Variants in GPSM2 observed in about 807,000 individuals in gnomAD.
GPSM2 encodes G protein signaling modulator 2, also known as G protein-signaling modulator 2.
GPSM2 carries 58 observed loss-of-function variants against 78.4 expected under a neutral mutation model. The ratio of observed to expected loss-of-function variants is 0.74; its 90% confidence interval spans 0.60 to 0.92. GPSM2 has a LOEUF of 0.92. GPSM2 is among the 40% of genes least tolerant of loss of function. GPSM2 has a pLI of 0.00. For missense variants in GPSM2, 700 were observed against 815.5 expected (o/e 0.86, Z 1.73); for synonymous variants, 224 against 280.2 (o/e 0.80, Z 2.00).
chr1:108,895,300 A>G (rs1332078857), intron 2 of GPSM2, among the ~76,000 whole-genome samples: 1 of 152,268 alleles, frequency 6.6e-6, no homozygotes, highest in Non-Finnish European at 1.5e-5. Context: ...TGTTCCAAAA[A>G]TTAAAACATT....
chr1:108,904,063 A>G, intron 9 of GPSM2, 62 bp from the exon 10 acceptor site: 1 of 1,152,790 alleles, frequency 8.7e-7, no homozygotes, highest in Admixed American at 1.7e-5. Flanking sequence ...TACATTTACA[A>G]ATAATCTTCA....
chr1:108,898,622 C>T lies in GPSM2; in HGVS notation c.558-20C>T, dbSNP rs1648559540. 6.2e-7 allele frequency: 1 copy of T among 1,611,532 alleles called. No individual in the cohort carries two copies. Among genetic ancestry groups the T allele is most frequent in the Non-Finnish European group, 8.5e-7 (1 of 1,178,386 alleles). ...TTGTTCTGCAAACTTATTTTTTCAT[C>T]ACTTTTTGCGATCCCTTAGGGAAAA... On this transcript the variant is annotated intron_variant, in intron 5 of 14. Coordinates refer to ENST00000264126, the MANE Select transcript of GPSM2 (RefSeq NM_013296.5).
chr1:108,928,999 A>AG (rs1557883487), intron 14 of GPSM2, among the ~76,000 whole-genome samples: 1 of 147,044 alleles, frequency 6.8e-6, no homozygotes, highest in African/African-American at 2.4e-5. Flanking sequence ...AAAAAAAAAA[A>AG]AAAAAAAATT....
At chr1:108,901,254 T>C (rs1158582030) in intron 7 of GPSM2, among the ~76,000 whole-genome samples, 3 of 152,186 alleles carry the variant, frequency 2.0e-5, no homozygotes, top group African/African-American at 4.8e-5. Context: ...ATACCACAGG[T>C]AGAATTTGGG....
chr1:108,923,613 A>T (rs983547790), intron 13 of GPSM2, among the ~76,000 whole-genome samples: 1 of 152,248 alleles, frequency 6.6e-6, no homozygotes, highest in East Asian at 1.9e-4. Flanking sequence ...AATGATTTGT[A>T]TCCAGGGCTT....
intron 12 of GPSM2, among the ~76,000 whole-genome samples, chr1:108,920,374 C>G (rs1019135544): frequency 6.7e-6 from 1 of 150,132 alleles, no homozygotes; most frequent in Non-Finnish European, 1.5e-5. Context: ...GAGGCTGAGG[C>G]AGGAGAATTG....
rs1651778163 is a variant in GPSM2, at chr1:108,930,581, C to T, written c.*641C>T. The T allele has an allele frequency of 6.7e-6, 1 of 150,242 alleles. No homozygotes were observed. Among genetic ancestry groups the T allele is most frequent in the African/African-American group, 2.5e-5 (1 of 40,340 alleles). 9.3% of individuals were successfully genotyped at this position (150,242 alleles called of 1,614,324 possible). A position where few individuals can be genotyped will look rare whatever the true frequency, so the allele number is the denominator to read the frequency against. On this transcript the variant is annotated 3_prime_UTR_variant, in exon 15 of 15. Coordinates refer to ENST00000264126, the MANE Select transcript of GPSM2 (RefSeq NM_013296.5). ...AAGACCAACCTGGGCAACATAGACC[C>T]CCGTGTCTATGAAAAATAAATCAGC...
intron 1 of GPSM2, 32 bp from the exon 2 acceptor site, chr1:108,885,243 T>G (rs1647442064): frequency 3.1e-6 from 1 of 319,078 alleles, no homozygotes; most frequent in Non-Finnish European, 5.8e-6. Flanking sequence ...AAAATAGGAC[T>G]TCAAGCAAAG....
At chr1:108,915,409 A>G (rs1650120568) in intron 11 of GPSM2, among the ~76,000 whole-genome samples, 1 of 148,516 alleles carries the variant, frequency 6.7e-6, no homozygotes. Context: ...TCTTTTATGT[A>G]TATTTTTATT....
rs1412450224 is a variant in GPSM2 at position 108,924,161 on chromosome 1, A to C, written c.1762A>C (p.Asn588His). The C allele has an allele frequency of 6.2e-7, 1 of 1,613,994 alleles. No homozygotes were observed. Among genetic ancestry groups the C allele is most frequent in the African/African-American group, 1.3e-5 (1 of 75,030 alleles). Residue 588 changes from asparagine to histidine, a missense_variant, in exon 14 of 15, where the codon AAT becomes CAT. Asn to His is a moderately conservative substitution (Grantham distance 68). Transcript: ENST00000264126. ...SQSVLSHLMT[N>H]DNKEADEDFF... Reference sequence around the variant, plus strand: ...GTCGGTACTTAGCCACCTGATGACTAATGACAACAAAGAGGCTGATGAAGA... The same window carrying C: ...GTCGGTACTTAGCCACCTGATGACTCATGACAACAAAGAGGCTGATGAAGA...
Position 108,901,904 on chromosome 1 carries a change from T to C in GPSM2, c.912T>C (p.Tyr304=). Residue 304 remains tyrosine (Y), a synonymous_variant, in exon 8 of 15, where the codon TAT becomes TAC. Coordinates refer to ENST00000264126, the MANE Select transcript of GPSM2 (RefSeq NM_013296.5). The stretch of plus-strand genomic sequence containing the variant: ...AAGACTATGAAAAGGCCATTGATTA[T>C]CATCTGAAGCACTTAGCAATTGCTC... The part of the protein sequence containing the change: ...LLQDYEKAID[Y]HLKHLAIAQE... 6.2e-7 allele frequency: 1 copy of C among 1,611,910 alleles called. No individual in the cohort carries two copies. Among genetic ancestry groups the C allele is most frequent in the African/African-American group, 1.3e-5 (1 of 75,026 alleles).
At chr1:108,900,776 A>G (rs1327815877) in intron 7 of GPSM2, among the ~76,000 whole-genome samples, 1 of 152,248 alleles carries the variant, frequency 6.6e-6, no homozygotes, top group Non-Finnish European at 1.5e-5. Flanking sequence ...GACAGGCAAC[A>G]TTAGAATAAG....
At position 108,880,557 on chromosome 1, in the gene GPSM2, G is replaced by A. The variant is rs552533802; in HGVS notation, c.-249+3329G>A. On this transcript the variant is annotated intron_variant, in intron 1 of 14. Coordinates refer to ENST00000264126, the MANE Select transcript of GPSM2 (RefSeq NM_013296.5). ...ATGGCGCCACTGCACTCCAGCCTGGGCGACAGAGTGAGACTCCGTCTCAAA... is the reference window on the plus strand; with the variant it reads ...ATGGCGCCACTGCACTCCAGCCTGGACGACAGAGTGAGACTCCGTCTCAAA... Among the ~76,000 whole-genome samples the A allele has an allele frequency of 2.1e-4, 32 of 151,006 alleles. No homozygotes were observed. In the East Asian group the frequency reaches 5.2e-3, roughly 25 times the overall value.
chr1:108,893,961 A>G (rs1045396241), intron 2 of GPSM2, among the ~76,000 whole-genome samples: 2 of 152,190 alleles, frequency 1.3e-5, no homozygotes, highest in Non-Finnish European at 2.9e-5. Context: ...AGGCTGAGGC[A>G]GAAGAATTGC....
rs551965992 is a variant in GPSM2 at position 108,930,298 on chromosome 1, G to A, written c.*358G>A. ...TTTTAACATCTTAATTGACAATGGC[G>A]TTTTTTTATACATAACCATGGATGT... On this transcript the variant is annotated 3_prime_UTR_variant, in exon 15 of 15. Transcript: ENST00000264126. 72 of 187,664 alleles carry A rather than the reference G, an allele frequency of 3.8e-4. No homozygotes were observed. The South Asian group carries it at 9.1e-3, about 24-fold the overall frequency. The allele number at this position is 187,664 out of a possible 1,614,324, so 11.6% of individuals were successfully genotyped here. A position where few individuals can be genotyped will look rare whatever the true frequency, so the allele number is the denominator to read the frequency against.
chr1:108,917,609 C>CATATATATATAT (rs761319516), intron 11 of GPSM2, among the ~76,000 whole-genome samples: 1 of 90,276 alleles, frequency 1.1e-5, no homozygotes, highest in African/African-American at 3.1e-5. Context: ...CACACACACA[C>CATATATATATAT]ACATATATAT....
intron 2 of GPSM2, among the ~76,000 whole-genome samples, chr1:108,895,011 A>T (rs775579540): frequency 1.3e-5 from 2 of 152,210 alleles, no homozygotes; most frequent in Non-Finnish European, 2.9e-5. Context: ...CTACCACTAG[A>T]TATACAGAGT....
At chr1:108,889,294 A>G (rs1388335685) in intron 2 of GPSM2, among the ~76,000 whole-genome samples, 1 of 152,216 alleles carries the variant, frequency 6.6e-6, no homozygotes, top group Non-Finnish European at 1.5e-5. Context: ...GGGACCTCAC[A>G]TTCTGTATTT....
intron 5 of GPSM2, 151 bp downstream of exon 5, chr1:108,898,252 A>C: frequency 2.6e-6 from 2 of 781,772 alleles, no homozygotes; most frequent in Non-Finnish European, 4.3e-6. Context: ...TAAATGTTAC[A>C]GTGTTATATT....
Sources: allele counts gnomAD v4.1 joint callset (sites outside exome capture counted in the v4.1 genomes callset), GRCh38; gene constraint gnomAD v4.1.1; transcripts MANE v1.5; gene names NCBI Gene and HGNC (gene_info 2026-07-23, HGNC 2026-07-21).